HACD2: variants seen among roughly 807,000 people sequenced by gnomAD.
HACD2 encodes 3-hydroxyacyl-CoA dehydratase 2.
HACD2 carries 15 observed loss-of-function variants against 31.0 expected under a neutral mutation model. The ratio of observed to expected loss-of-function variants is 0.48; its 90% CI spans 0.32 to 0.75. The LOEUF is 0.75. Ranked by LOEUF, HACD2 falls within the 30% of genes least tolerant of loss-of-function variation. The pLI is 0.03. For synonymous variants in HACD2, 115 were observed against 122.2 expected, an observed-to-expected ratio of 0.94 and a Z score of 0.39; for missense variants, 283 against 313.0, an observed-to-expected ratio of 0.90 and a Z score of 0.72.
intron 1 of HACD2, 126 bp downstream of exon 1, chr3:123,584,747 C>T: frequency 5.5e-6 from 4 of 729,096 alleles, no homozygotes; most frequent in South Asian, 6.1e-5. Context: ...TACCGGGTCC[C>T]GGGCACCCCC....
chr3:123,505,581 C>T (rs1401167104), intron 4 of HACD2, among the ~76,000 whole-genome samples: 1 of 152,088 alleles, frequency 6.6e-6, no homozygotes, highest in Non-Finnish European at 1.5e-5. Flanking sequence ...TTTGGTGAAC[C>T]ATAAGCCTCA....
chr3:123,558,403 G>C (rs988931824), intron 3 of HACD2, among the ~76,000 whole-genome samples: 1 of 152,070 alleles, frequency 6.6e-6, no homozygotes, highest in Non-Finnish European at 1.5e-5. Context: ...GTGAACTATG[G>C]GCTTTGGACA....
intron 3 of HACD2, among the ~76,000 whole-genome samples, chr3:123,534,462 A>G (rs539081037): frequency 1.7e-4 from 26 of 152,188 alleles, no homozygotes; most frequent in Admixed American, 3.3e-4. Context: ...AAAAATAGTC[A>G]TATAAAAATA....
At chr3:123,526,115 G>A (rs1049108544) in intron 4 of HACD2, among the ~76,000 whole-genome samples, 1 of 152,180 alleles carries the variant, frequency 6.6e-6, no homozygotes, top group Non-Finnish European at 1.5e-5. Context: ...TGGCCTCTGA[G>A]GGGCCACAGC....
chr3:123,497,205 C>T (rs2055843964), intron 6 of HACD2, among the ~76,000 whole-genome samples: 1 of 152,202 alleles, frequency 6.6e-6, no homozygotes, highest in African/African-American at 2.4e-5. Context: ...TGCACGGCTG[C>T]CACTTTTAAC....
intron 3 of HACD2, among the ~76,000 whole-genome samples, chr3:123,544,632 A>C (rs2056535421): frequency 6.6e-6 from 1 of 152,184 alleles, no homozygotes; most frequent in African/African-American, 2.4e-5. Flanking sequence ...AGCTATAAAT[A>C]ATGGAAATAA....
At chr3:123,549,637 A>G (rs1426375811) in intron 3 of HACD2, among the ~76,000 whole-genome samples, 1 of 152,114 alleles carries the variant, frequency 6.6e-6, no homozygotes, top group Admixed American at 6.5e-5. Flanking sequence ...GGTCACACCT[A>G]CTTGGGAGGC....
chr3:123,524,919 C>CT (rs1230803294), intron 4 of HACD2, among the ~76,000 whole-genome samples: 1 of 152,146 alleles, frequency 6.6e-6, no homozygotes, highest in Non-Finnish European at 1.5e-5. Context: ...CTTCCAAACT[C>CT]TAAATGGAGA....
intron 2 of HACD2, among the ~76,000 whole-genome samples, chr3:123,577,620 CAAAAA>C (rs35024817): frequency 2.2e-5 from 2 of 90,440 alleles, no homozygotes. Context: ...GACTCTGTCT[CAAAAA>C]AAAAAAAAAA....
intron 3 of HACD2, among the ~76,000 whole-genome samples, chr3:123,548,681 G>A (rs936938174): frequency 1.3e-5 from 2 of 151,898 alleles, no homozygotes; most frequent in Admixed American, 6.6e-5. Context: ...AAGTAAAATG[G>A]TACAATCATA....
At position 123,560,876 on chromosome 3, in the gene HACD2, G is replaced by A. The variant is rs57384646; in HGVS notation, c.292+6886C>T. Among the ~76,000 whole-genome samples the A allele has an allele frequency of 6.0e-3, 910 of 152,294 alleles. 9 individuals carry two copies. The highest frequency in any genetic ancestry group is 0.021 in the African/African-American group (884 of 41,558). ...TTCTGTGCCCAGCCACACTGCTGAA[G>A]GCTGGGCACAGGTGTGAAAGCAGAA... On this transcript the variant is annotated intron_variant, in intron 3 of 6. Transcript: ENST00000383657.
Position 123,500,713 on chromosome 3 carries a change from T to C in HACD2, c.504-20A>G. Reference sequence around the variant, plus strand: ...GTGTACCTAAAACAAAACAAAATATTCATTACTGAGGCTCAAAGTCAGCTT... The same window carrying C: ...GTGTACCTAAAACAAAACAAAATATCCATTACTGAGGCTCAAAGTCAGCTT... On this transcript the variant is annotated intron_variant, in intron 5 of 6. Transcript: ENST00000383657. The C allele has an allele frequency of 1.3e-6, 2 of 1,562,794 alleles. No homozygotes were observed. Among genetic ancestry groups the C allele is most frequent in the Non-Finnish European group, 1.7e-6 (2 of 1,151,134 alleles).
At chr3:123,516,159 T>C (rs1053237159) in intron 4 of HACD2, among the ~76,000 whole-genome samples, 16 of 152,134 alleles carry the variant, frequency 1.1e-4, no homozygotes, top group African/African-American at 3.9e-4. Context: ...ATACTATTCC[T>C]ATTTTATGAA....
intron 1 of HACD2, among the ~76,000 whole-genome samples, chr3:123,583,936 C>G (rs1465676451): frequency 6.6e-6 from 1 of 152,138 alleles, no homozygotes; most frequent in African/African-American, 2.4e-5. Context: ...TCTTTCAACT[C>G]TTCTGTATGT....
intron 3 of HACD2, among the ~76,000 whole-genome samples, chr3:123,565,880 T>C (rs2056785947): frequency 6.6e-6 from 1 of 152,188 alleles, no homozygotes; most frequent in Non-Finnish European, 1.5e-5. Context: ...AAAAAGGAAA[T>C]GCGTGTAAGA....
chr3:123,556,975 G>A (rs889425729), intron 3 of HACD2, among the ~76,000 whole-genome samples: 1 of 152,162 alleles, frequency 6.6e-6, no homozygotes, highest in Non-Finnish European at 1.5e-5. Flanking sequence ...TTTCTGCTCC[G>A]CAAAAGATAC....
chr3:123,528,804 A>G (rs955793765), intron 3 of HACD2, among the ~76,000 whole-genome samples: 4 of 152,236 alleles, frequency 2.6e-5, no homozygotes, highest in African/African-American at 9.6e-5. Context: ...AATCTTTAAA[A>G]TAAGACTCAT....
At chr3:123,541,894 T>C (rs972576689) in intron 3 of HACD2, among the ~76,000 whole-genome samples, 9 of 152,018 alleles carry the variant, frequency 5.9e-5, no homozygotes, top group African/African-American at 1.9e-4. Context: ...AAAGAATACA[T>C]CCCAGCACTT....
chr3:123,576,064 T>C (rs775148469), intron 2 of HACD2, among the ~76,000 whole-genome samples: 2 of 152,206 alleles, frequency 1.3e-5, no homozygotes, highest in Non-Finnish European at 2.9e-5. Context: ...TTTTCTGTTA[T>C]AATGTTTTGT....
Sources: gnomAD v4.1 joint callset for allele counts (sites outside exome capture counted in the v4.1 genomes callset) on GRCh38, gnomAD v4.1.1 for gene constraint, MANE v1.5 for transcripts, NCBI Gene and HGNC (gene_info 2026-07-23, HGNC 2026-07-21) for gene names.